The following NRXN3 variants were observed in gnomAD, a reference collection of about 807,000 sequenced individuals.
NRXN3 encodes neurexin 3, also known as neurexin III.
Under a neutral mutation model 137.6 loss-of-function variants are expected in NRXN3, and 32 were observed. The ratio of observed to expected loss-of-function variants is 0.23; its 90% confidence interval spans 0.18 to 0.31. The LOEUF (loss-of-function observed/expected upper bound fraction) is 0.31, where lower values mean the gene tolerates loss of function less well. NRXN3 is among the 10% of genes least tolerant of loss of function. NRXN3 has a pLI of 1.00. For synonymous variants in NRXN3, 798 were observed against 784.5 expected (o/e 1.02, Z -0.29); for missense variants, 1,574 against 2,062.5 (o/e 0.76, Z 4.59).
At chr14:78,787,977 T>C (rs1291848930) in intron 8 of NRXN3, among the ~76,000 whole-genome samples, 1 of 152,188 alleles carries the variant, frequency 6.6e-6, no homozygotes, top group Non-Finnish European at 1.5e-5. Flanking sequence ...AACAAAGAAT[T>C]GTAATTAACC....
chr14:79,544,565 A>C (rs2097301988), intron 16 of NRXN3, among the ~76,000 whole-genome samples: 1 of 152,186 alleles, frequency 6.6e-6, no homozygotes, highest in African/African-American at 2.4e-5. Context: ...GGTTGTGTGC[A>C]TTTTCAGATT....
intron 4 of NRXN3, among the ~76,000 whole-genome samples, chr14:78,601,096 A>G (rs985630438): frequency 5.9e-5 from 9 of 152,304 alleles, no homozygotes; most frequent in African/African-American, 2.2e-4. Context: ...CAGGACCTGC[A>G]TGCTAATCCC....
intron 15 of NRXN3, among the ~76,000 whole-genome samples, chr14:79,340,290 AAT>A (rs577919024): frequency 8.0e-4 from 122 of 152,204 alleles, no homozygotes; most frequent in Non-Finnish European, 1.7e-3. Flanking sequence ...CTAATAATAA[AAT>A]ATGACATAGG....
At chr14:79,761,684 CA>C (rs10599873) in intron 19 of NRXN3, among the ~76,000 whole-genome samples, 1,846 of 78,838 alleles carry the variant, frequency 0.023, 8 homozygotes, top group East Asian at 0.064. Context: ...GACTCTGTCT[CA>C]AAAAAAAAAA....
intron 16 of NRXN3, among the ~76,000 whole-genome samples, chr14:79,582,788 A>C (rs1279968191): frequency 1.3e-5 from 2 of 152,200 alleles, no homozygotes; most frequent in African/African-American, 4.8e-5. Flanking sequence ...ATGAAGGAAT[A>C]AATACATAAC....
chr14:79,653,259 G>T, intron 16 of NRXN3, among the ~76,000 whole-genome samples: 1 of 152,096 alleles, frequency 6.6e-6, no homozygotes, highest in East Asian at 1.9e-4. Context: ...CAAGTATTTT[G>T]CAGATGCATT....
chr14:78,394,716 T>G (rs931961128), intron 4 of NRXN3, among the ~76,000 whole-genome samples: 1 of 151,874 alleles, frequency 6.6e-6, no homozygotes, highest in African/African-American at 2.4e-5. Flanking sequence ...TTGGGAAGTA[T>G]TTTAATTATA....
At chr14:79,739,254 T>C (rs548566063) in intron 19 of NRXN3, among the ~76,000 whole-genome samples, 1 of 152,190 alleles carries the variant, frequency 6.6e-6, no homozygotes, top group East Asian at 1.9e-4. Context: ...GTAATATGAA[T>C]ACATAAAACA....
chr14:79,677,036 A>T (rs559030236), intron 17 of NRXN3, among the ~76,000 whole-genome samples: 7 of 152,258 alleles, frequency 4.6e-5, no homozygotes, highest in African/African-American at 1.4e-4. Context: ...CAAAAATATA[A>T]GTTGTTATAC....
chr14:78,976,959 A>C (rs2099469419), intron 14 of NRXN3, among the ~76,000 whole-genome samples: 1 of 152,140 alleles, frequency 6.6e-6, no homozygotes, highest in South Asian at 2.1e-4. Context: ...TGTGACTACA[A>C]CCTTAGCTGA....
chr14:78,749,793 G>T (rs865851117), intron 8 of NRXN3, among the ~76,000 whole-genome samples: 2 of 152,116 alleles, frequency 1.3e-5, no homozygotes, highest in Non-Finnish European at 2.9e-5. Flanking sequence ...TTAGGCCCTG[G>T]AGCTAATGCA....
chr14:78,942,603 A>C (rs538472036), intron 10 of NRXN3, among the ~76,000 whole-genome samples: 1 of 152,184 alleles, frequency 6.6e-6, no homozygotes, highest in African/African-American at 2.4e-5. Context: ...AGAACAGAGG[A>C]TACTAGAGGC....
intron 4 of NRXN3, among the ~76,000 whole-genome samples, chr14:78,517,770 G>C (rs532291458): frequency 6.6e-6 from 1 of 152,126 alleles, no homozygotes; most frequent in African/African-American, 2.4e-5. Flanking sequence ...CTATCTAGAC[G>C]TCAAAAATCA....
intron 10 of NRXN3, among the ~76,000 whole-genome samples, chr14:78,876,345 A>AG (rs2099113818): frequency 6.6e-6 from 1 of 152,330 alleles, no homozygotes; most frequent in Admixed American, 6.5e-5. Flanking sequence ...ACCAGCCCTG[A>AG]GGACCTATAA....
chr14:79,146,096 A>G (rs2059274710), intron 15 of NRXN3, among the ~76,000 whole-genome samples: 1 of 152,170 alleles, frequency 6.6e-6, no homozygotes, highest in Non-Finnish European at 1.5e-5. Flanking sequence ...TAATTATTTT[A>G]CAAGCATTAT....
intron 15 of NRXN3, among the ~76,000 whole-genome samples, chr14:79,453,878 C>A (rs2096216166): frequency 6.6e-6 from 1 of 152,144 alleles, no homozygotes; most frequent in African/African-American, 2.4e-5. Flanking sequence ...TTCTCATGCT[C>A]ACTGATCCAA....
chr14:78,693,658 TG>T (rs2098195824), intron 6 of NRXN3, among the ~76,000 whole-genome samples: 1 of 4,920 alleles, frequency 2.0e-4, no homozygotes, highest in Non-Finnish European at 4.1e-4. Context: ...TTGATTTTCG[TG>T]TGTGTGTGTG....
chr14:78,887,377 T>C (rs1174812494), intron 10 of NRXN3, among the ~76,000 whole-genome samples: 3 of 152,030 alleles, frequency 2.0e-5, no homozygotes, highest in Non-Finnish European at 4.4e-5. Context: ...ATCTTTCTTT[T>C]TTTTTCTGGA....
intron 10 of NRXN3, among the ~76,000 whole-genome samples, chr14:78,935,993 C>T (rs1412534515): frequency 6.6e-6 from 1 of 152,206 alleles, no homozygotes; most frequent in African/African-American, 2.4e-5. Context: ...AATGGCCTTT[C>T]TGTGCTTTTT....
Sources: allele counts gnomAD v4.1 joint callset (sites outside exome capture counted in the v4.1 genomes callset), GRCh38; gene constraint gnomAD v4.1.1; transcripts MANE v1.5; gene names NCBI Gene and HGNC (gene_info 2026-07-23, HGNC 2026-07-21).